Variants in LRP1B observed in about 807,000 individuals in gnomAD.
LRP1B encodes the protein low-density lipoprotein receptor-related protein 1B.
Under a neutral mutation model 556.6 loss-of-function variants are expected in LRP1B, and 217 were observed. The ratio of observed to expected loss-of-function variants is 0.39; its 90% CI spans 0.35 to 0.44. LRP1B has a LOEUF of 0.44. Ranked by LOEUF, LRP1B falls within the 20% of genes least tolerant of loss-of-function variation. The pLI, the probability that LRP1B is intolerant of heterozygous loss-of-function variation, is 1.00. For missense variants in LRP1B, 5,053 were observed against 5,620.8 expected (o/e 0.90, Z 3.23); for synonymous variants, 2,047 against 1,865.8 (o/e 1.10, Z -2.50).
chr2:141,812,976 A>C (rs1486934836), intron 1 of LRP1B, among the ~76,000 whole-genome samples: 1 of 152,146 alleles, frequency 6.6e-6, no homozygotes, highest in Admixed American at 6.6e-5. Flanking sequence ...TGTGTCTGTG[A>C]GCCTGCTCAT....
At chr2:140,392,932 CTTTT>C (rs34357201) in intron 66 of LRP1B, among the ~76,000 whole-genome samples, 1 of 144,182 alleles carries the variant, frequency 6.9e-6, no homozygotes, top group Non-Finnish European at 1.5e-5. Context: ...TCATATATAA[CTTTT>C]TTTTTTTTTC....
chr2:140,777,954 T>C (rs1689556364), intron 32 of LRP1B, among the ~76,000 whole-genome samples: 1 of 152,260 alleles, frequency 6.6e-6, no homozygotes, highest in South Asian at 2.1e-4. Flanking sequence ...ATATTTGTTT[T>C]GAAAGCCCAG....
chr2:142,029,094 C>T (rs534519102), intron 1 of LRP1B, among the ~76,000 whole-genome samples: 1 of 151,900 alleles, frequency 6.6e-6, no homozygotes, highest in African/African-American at 2.4e-5. Context: ...GAATGACTCT[C>T]CCTCTTCTGT....
intron 41 of LRP1B, among the ~76,000 whole-genome samples, chr2:140,611,917 A>G (rs964620167): frequency 2.0e-5 from 3 of 152,266 alleles, no homozygotes; most frequent in Non-Finnish European, 4.4e-5. Context: ...TGCTCACCTT[A>G]TGAAAGATTT....
At chr2:141,548,338 CTG>C (rs1685625236) in intron 2 of LRP1B, among the ~76,000 whole-genome samples, 1 of 152,168 alleles carries the variant, frequency 6.6e-6, no homozygotes. Flanking sequence ...TGGAGGATGA[CTG>C]TGAACTAAAT....
At chr2:141,252,058 A>G (rs1427153893) in intron 4 of LRP1B, among the ~76,000 whole-genome samples, 1 of 152,056 alleles carries the variant, frequency 6.6e-6, no homozygotes, top group Non-Finnish European at 1.5e-5. Context: ...AAATGGGTGT[A>G]TAAATGCCTG....
chr2:141,566,306 C>T (rs182599962), intron 2 of LRP1B, among the ~76,000 whole-genome samples: 71 of 152,064 alleles, frequency 4.7e-4, no homozygotes, highest in Non-Finnish European at 8.7e-4. Context: ...ATTAAAGAAA[C>T]GATGTAACTT....
At chr2:142,010,241 T>C (rs74269570) in intron 1 of LRP1B, among the ~76,000 whole-genome samples, 3,888 of 152,122 alleles carry the variant, frequency 0.026, 160 homozygotes, top group East Asian at 0.17. Context: ...AAACACTGAC[T>C]ACAAATGTTA....
chr2:141,563,877 G>C (rs1686243794), intron 2 of LRP1B, among the ~76,000 whole-genome samples: 1 of 152,112 alleles, frequency 6.6e-6, no homozygotes, highest in East Asian at 1.9e-4. Context: ...TCATGGAGAG[G>C]AGAGGGAGGG....
In LRP1B at chr2:141,788,366, A is replaced by C. The variant is rs552786180; in HGVS notation, c.205+21913T>G. Among the ~76,000 whole-genome samples the C allele has an allele frequency of 1.4e-4, 22 of 152,158 alleles. No homozygotes were observed. The East Asian group carries it at 4.3e-3, about 29-fold the overall frequency. On this transcript the variant is annotated intron_variant, in intron 2 of 90. Transcript: ENST00000389484. ...AGTCCCATAAACTGGATTGTTTGAA[A>C]GCAGGAATTACAGAAACACTGCTGA...
intron 41 of LRP1B, among the ~76,000 whole-genome samples, chr2:140,611,544 G>A (rs867968623): frequency 2.3e-4 from 35 of 152,190 alleles, no homozygotes; most frequent in Admixed American, 1.6e-3. Flanking sequence ...GGTAGGGATC[G>A]TAGAAAGAGT....
intron 83 of LRP1B, among the ~76,000 whole-genome samples, chr2:140,312,314 TG>T (rs1412328394): frequency 6.6e-6 from 1 of 151,978 alleles, no homozygotes; most frequent in Non-Finnish European, 1.5e-5. Flanking sequence ...AGAAAGTAAT[TG>T]GGAATGTTGT....
intron 17 of LRP1B, among the ~76,000 whole-genome samples, chr2:140,984,585 G>T (rs116660528): frequency 0.011 from 1,731 of 152,200 alleles, 16 homozygotes; most frequent in Non-Finnish European, 0.017. Flanking sequence ...AAGCTATGGT[G>T]ATTAGAGAGG....
intron 18 of LRP1B, among the ~76,000 whole-genome samples, chr2:140,968,769 G>A (rs1280073222): frequency 6.6e-6 from 1 of 152,094 alleles, no homozygotes; most frequent in Non-Finnish European, 1.5e-5. Flanking sequence ...CTTTATTTCT[G>A]CCTTCATTTC....
chr2:140,886,233 G>C lies in LRP1B; in HGVS notation c.3869C>G (p.Thr1290Arg), dbSNP rs2105192382. ...YSLLVPGLRN[T>R]IALDFHFNQS... ...ATTGAAGTGAAAATCAAGTGCTATT[G>C]TGTTTCTCAATCCAGGAACAAGTAG... Residue 1290 changes from threonine (T) to arginine (R), a missense_variant, in exon 24 of 91, where the codon ACA (threonine) becomes AGA (arginine). Physicochemically the swap from Thr to Arg is moderately conservative, Grantham distance 71 (BLOSUM62 -1). Coordinates refer to ENST00000389484, the MANE Select transcript of LRP1B (RefSeq NM_018557.3). 6.2e-7 allele frequency: 1 copy of C among 1,608,268 alleles called. No individual in the cohort carries two copies. The highest frequency in any genetic ancestry group is 8.5e-7 in the Non-Finnish European group (1 of 1,175,266).
At chr2:141,187,822 A>C (rs1452665557) in intron 7 of LRP1B, among the ~76,000 whole-genome samples, 1 of 151,948 alleles carries the variant, frequency 6.6e-6, no homozygotes, top group Non-Finnish European at 1.5e-5. Context: ...TAACCAATAA[A>C]GTAGCTTGCA....
chr2:141,454,374 ACAGC>A (rs1206136380), intron 3 of LRP1B, among the ~76,000 whole-genome samples: 1 of 152,162 alleles, frequency 6.6e-6, no homozygotes. Flanking sequence ...TTATCAGGTA[ACAGC>A]AAGACAAGAG....
intron 1 of LRP1B, among the ~76,000 whole-genome samples, chr2:142,104,024 T>C (rs1347767812): frequency 3.3e-5 from 5 of 152,140 alleles, no homozygotes; most frequent in Non-Finnish European, 2.9e-5. Flanking sequence ...TCCAAATCTT[T>C]AATCAAGCAA....
intron 47 of LRP1B, among the ~76,000 whole-genome samples, chr2:140,528,052 C>T (rs147935926): frequency 2.5e-4 from 38 of 151,938 alleles, no homozygotes; most frequent in East Asian, 9.7e-4. Flanking sequence ...ACTTGCAACT[C>T]GTTTCACCAT....
Sources: allele counts gnomAD v4.1 joint callset (sites outside exome capture counted in the v4.1 genomes callset), GRCh38; gene constraint gnomAD v4.1.1; transcripts MANE v1.5; gene names NCBI Gene and HGNC (gene_info 2026-07-23, HGNC 2026-07-21).